GNB4: variants seen among roughly 807,000 people sequenced by gnomAD.
The protein encoded by GNB4 is guanine nucleotide-binding protein subunit beta-4.
In GNB4, 28 loss-of-function variants were observed where a neutral mutation model predicts 45.2. That is an observed-to-expected ratio of 0.62 (90% CI 0.46 to 0.85). The LOEUF (loss-of-function observed/expected upper bound fraction) is 0.85. GNB4 is among the 40% of genes least tolerant of loss of function. GNB4 has a pLI of 0.00. For synonymous variants in GNB4, 132 were observed against 143.7 expected (o/e 0.92, Z 0.58); for missense variants, 321 against 425.4 (o/e 0.75, Z 2.16).
chr3:179,440,880 T>TAGAGAGAGAGAGAGAGAGAGAGAGAG (rs141411562), intron 1 of GNB4, among the ~76,000 whole-genome samples: 34 of 149,120 alleles, frequency 2.3e-4, no homozygotes, highest in African/African-American at 7.9e-4. Flanking sequence ...TATAGATAGA[T>TAGAGAGAGAGAGAGAGAGAGAGAGAG]AGAGAGAGAG....
the GNB4 span, among the ~76,000 whole-genome samples, chr3:179,486,881 G>T: frequency 6.6e-6 from 1 of 152,200 alleles, no homozygotes. Context: ...GCCTGTGCTT[G>T]CAAATTAGAA....
the GNB4 span, among the ~76,000 whole-genome samples, chr3:179,495,700 A>T: frequency 6.6e-6 from 1 of 151,942 alleles, no homozygotes; most frequent in South Asian, 2.1e-4. Context: ...AAAGAAAGAA[A>T]ATTTTGGAAA....
upstream of GNB4, among the ~76,000 whole-genome samples, chr3:179,452,197 C>T (rs1281492379): frequency 6.6e-6 from 1 of 151,060 alleles, no homozygotes; most frequent in East Asian, 1.9e-4. Context: ...ATGAGTTAAA[C>T]ACCACATGCA....
At position 179,396,282 on chromosome 3, in the gene GNB4, C is replaced by T. The variant is rs1475833925; in HGVS notation, c.*4931G>A. 1 of 152,212 alleles carries T rather than the reference C, an allele frequency of 6.6e-6. No homozygotes were observed. Among genetic ancestry groups the T allele is most frequent in the East Asian group, 1.9e-4 (1 of 5,202 alleles). The allele number at this position is 152,212 out of a possible 1,614,324, so 9.4% of individuals were successfully genotyped here. A position where few individuals can be genotyped will look rare whatever the true frequency, so the allele number is the denominator to read the frequency against. On this transcript the variant is annotated 3_prime_UTR_variant, in exon 10 of 10. Coordinates refer to ENST00000232564, the MANE Select transcript of GNB4 (RefSeq NM_021629.4). ...GTTTACCCTTCCCATAATTAGACTACTACTGACATTCATGTTCAGTTGACC... is the reference window on the plus strand; with the variant it reads ...GTTTACCCTTCCCATAATTAGACTATTACTGACATTCATGTTCAGTTGACC...
chr3:179,506,287 G>A, the GNB4 span, among the ~76,000 whole-genome samples: 1 of 152,186 alleles, frequency 6.6e-6, no homozygotes, highest in East Asian at 1.9e-4. Flanking sequence ...GCAATGAGCT[G>A]AGATTGTGCC....
chr3:179,457,880 T>C, the GNB4 span, among the ~76,000 whole-genome samples: 17 of 151,996 alleles, frequency 1.1e-4, no homozygotes, highest in African/African-American at 4.1e-4. Context: ...CAGCTTCATG[T>C]TTCCTTGTGC....
intron 1 of GNB4, among the ~76,000 whole-genome samples, chr3:179,430,711 C>T (rs1715287126): frequency 6.6e-6 from 1 of 151,582 alleles, no homozygotes; most frequent in South Asian, 2.1e-4. Flanking sequence ...CCCACTTTGG[C>T]CTCCCAAAGT....
At chr3:179,403,518 C>A (rs553251867) in intron 9 of GNB4, among the ~76,000 whole-genome samples, 4 of 152,054 alleles carry the variant, frequency 2.6e-5, no homozygotes, top group Non-Finnish European at 5.9e-5. Flanking sequence ...TCAGGCCGGG[C>A]GCAGTGGCTC....
intron 1 of GNB4, among the ~76,000 whole-genome samples, chr3:179,442,921 T>C (rs1286008431): frequency 6.6e-6 from 1 of 152,206 alleles, no homozygotes; most frequent in African/African-American, 2.4e-5. Flanking sequence ...TGATCCACCA[T>C]ACCCGGCAGT....
At chr3:179,489,019 A>AATATATATATATATATATAT in the GNB4 span, among the ~76,000 whole-genome samples, 19 of 21,368 alleles carry the variant, frequency 8.9e-4, no homozygotes, top group African/African-American at 3.5e-3. Context: ...AAAAAAAAAA[A>AATATATATATATATATATAT]ATATATATAT....
the GNB4 span, among the ~76,000 whole-genome samples, chr3:179,488,810 C>T: frequency 6.6e-6 from 1 of 150,470 alleles, no homozygotes; most frequent in Non-Finnish European, 1.5e-5. Context: ...TGGTGAAACC[C>T]CATCTCTACC....
intron 8 of GNB4, among the ~76,000 whole-genome samples, chr3:179,413,130 A>G (rs1279035030): frequency 6.6e-6 from 1 of 152,158 alleles, no homozygotes; most frequent in Non-Finnish European, 1.5e-5. Context: ...GTGAGCCGTG[A>G]CTGCACCGCT....
chr3:179,401,322 G>GA lies in GNB4; in HGVS notation c.917-4dup, dbSNP rs764075662. The GA allele has an allele frequency of 4.0e-4, 635 of 1,582,718 alleles. No individual in the cohort carries two copies. The highest frequency in any genetic ancestry group is 6.9e-4 in the South Asian group (60 of 87,282). Reference sequence around the variant, plus strand: ...GTTGTCATGACCAGCAAGGACACCTGAAAAAAAAATTCAGTAAAAAATTGG... The same window carrying GA: ...GTTGTCATGACCAGCAAGGACACCTGAAAAAAAAAATTCAGTAAAAAATTGG... On this transcript the variant is annotated splice_region_variant and splice_polypyrimidine_tract_variant and intron_variant, in intron 9 of 9. Coordinates refer to ENST00000232564, the MANE Select transcript of GNB4 (RefSeq NM_021629.4).
chr3:179,447,193 C>G (rs531517684), intron 1 of GNB4, among the ~76,000 whole-genome samples: 2 of 151,990 alleles, frequency 1.3e-5, no homozygotes, highest in South Asian at 4.2e-4. Context: ...ACAGGCAGAA[C>G]AGCAAGCAAA....
At chr3:179,470,895 G>A in the GNB4 span, among the ~76,000 whole-genome samples, 1 of 152,140 alleles carries the variant, frequency 6.6e-6, no homozygotes, top group South Asian at 2.1e-4. Context: ...AAAAGTTACA[G>A]TAGGCCGGGC....
At chr3:179,452,218 GTTT>G (rs11291709), upstream of GNB4, among the ~76,000 whole-genome samples, 612 of 147,184 alleles carry the variant, frequency 4.2e-3, 5 homozygotes, top group African/African-American at 0.014. Flanking sequence ...TCTCAATCGA[GTTT>G]TTTTTTTTTT....
At chr3:179,520,155 C>CCT in the GNB4 span, among the ~76,000 whole-genome samples, 14 of 137,420 alleles carry the variant, frequency 1.0e-4, no homozygotes, top group Admixed American at 5.1e-4. Context: ...CCCAGCCTCT[C>CCT]TGCTTTCACT....
the GNB4 span, among the ~76,000 whole-genome samples, chr3:179,500,496 T>C: frequency 1.3e-5 from 2 of 152,212 alleles, no homozygotes; most frequent in Non-Finnish European, 2.9e-5. Context: ...CCTTGTAGTA[T>C]AGTTTGAAGT....
At chr3:179,487,132 A>G in the GNB4 span, among the ~76,000 whole-genome samples, 1 of 152,328 alleles carries the variant, frequency 6.6e-6, no homozygotes, top group South Asian at 2.1e-4. Flanking sequence ...TTAGTGCAAA[A>G]TGTGCTTACT....
Sources: allele counts gnomAD v4.1 joint callset (sites outside exome capture counted in the v4.1 genomes callset), GRCh38; gene constraint gnomAD v4.1.1; transcripts MANE v1.5; gene names NCBI Gene and HGNC (gene_info 2026-07-23, HGNC 2026-07-21).